The following AP2B1 variants were observed in gnomAD, a reference collection of about 807,000 sequenced individuals.
The protein encoded by AP2B1 is AP-2 complex subunit beta.
A neutral mutation model predicts 102.0 loss-of-function variants in AP2B1; 23 were observed. That is an observed-to-expected ratio of 0.23 (90% CI 0.16 to 0.32). AP2B1 has a LOEUF of 0.32. AP2B1 is among the 10% of genes least tolerant of loss of function. The pLI is 1.00. For synonymous variants in AP2B1, 381 were observed against 421.2 expected (o/e 0.90, Z 1.17); for missense variants, 541 against 1,157.4 (o/e 0.47, Z 7.73).
intron 3 of AP2B1, among the ~76,000 whole-genome samples, chr17:35,599,139 T>G (rs2073392283): frequency 6.6e-6 from 1 of 152,260 alleles, no homozygotes; most frequent in African/African-American, 2.4e-5. Context: ...TAATATTGTG[T>G]TTGATGAAAT....
At position 35,666,920 on chromosome 17, in the gene AP2B1, G is replaced by T. The variant is rs989963576; in HGVS notation, c.1990-3937G>T. On this transcript the variant is annotated intron_variant, in intron 14 of 21. Transcript: ENST00000610402. The stretch of plus-strand genomic sequence containing the variant: ...TGAGGCTGAGGTGGGAGAATCGCTT[G>T]AGCCCAGGAAGTTAGAGCCCAGCCT... Among the ~76,000 whole-genome samples the T allele has an allele frequency of 2.0e-5, 3 of 152,188 alleles. No homozygotes were observed. The East Asian group carries it at 5.8e-4, about 29-fold the overall frequency.
rs937395712 is a variant in AP2B1 at position 35,693,482 on chromosome 17, CT to C, written c.2454+10668del. Among the ~76,000 whole-genome samples the C allele has an allele frequency of 6.0e-5, 9 of 149,008 alleles. No individual in the cohort carries two copies. In the South Asian group the frequency reaches 8.5e-4, roughly 14 times the overall value. ...AACATACTCCGTCTGAATTTATTTT[CT>C]TTTTTTTTTCTACTTAAGGAAAGCC... On this transcript the variant is annotated intron_variant, in intron 18 of 21. Transcript: ENST00000610402.
At chr17:35,652,780 A>G (rs1024222775) in intron 13 of AP2B1, among the ~76,000 whole-genome samples, 16 of 152,152 alleles carry the variant, frequency 1.1e-4, no homozygotes, top group Non-Finnish European at 1.8e-4. Context: ...AGTGAAGAAA[A>G]ATATGTGCAT....
intron 18 of AP2B1, among the ~76,000 whole-genome samples, chr17:35,707,095 G>T (rs1311659695): frequency 1.3e-5 from 2 of 152,106 alleles, no homozygotes; most frequent in African/African-American, 4.8e-5. Flanking sequence ...GAAGCCCACG[G>T]CTGGCATCAA....
chr17:35,687,707 C>A (rs587638454), intron 18 of AP2B1, among the ~76,000 whole-genome samples: 1 of 151,884 alleles, frequency 6.6e-6, no homozygotes, highest in South Asian at 2.1e-4. Flanking sequence ...TGTGTCACCA[C>A]GCCTAGCTAA....
intron 13 of AP2B1, 111 bp downstream of exon 13, chr17:35,650,900 T>G: frequency 7.9e-7 from 1 of 1,273,878 alleles, no homozygotes; most frequent in South Asian, 1.5e-5. Context: ...TTTTGCTTCT[T>G]TATGCTTTTA....
intron 5 of AP2B1, among the ~76,000 whole-genome samples, chr17:35,611,505 A>G (rs913529603): frequency 6.6e-6 from 1 of 152,156 alleles, no homozygotes; most frequent in African/African-American, 2.4e-5. Flanking sequence ...GCGCACACAC[A>G]CTCAAGTAGC....
chr17:35,632,190 A>T (rs1173575448), intron 9 of AP2B1, among the ~76,000 whole-genome samples: 2 of 151,658 alleles, frequency 1.3e-5, no homozygotes, highest in Non-Finnish European at 2.9e-5. Flanking sequence ...CTGGAGTGCA[A>T]ATGGCGCAAT....
At chr17:35,673,784 C>T (rs1022798110) in intron 16 of AP2B1, among the ~76,000 whole-genome samples, 6 of 152,164 alleles carry the variant, frequency 3.9e-5, no homozygotes, top group African/African-American at 9.7e-5. Flanking sequence ...AGTTTCTTCC[C>T]TTTAAACCAT....
At chr17:35,700,725 G>A (rs1254264934) in intron 18 of AP2B1, among the ~76,000 whole-genome samples, 2 of 152,202 alleles carry the variant, frequency 1.3e-5, no homozygotes, top group East Asian at 3.8e-4. Flanking sequence ...TAAAGAGATT[G>A]TAGCTCCTGC....
intron 17 of AP2B1, among the ~76,000 whole-genome samples, chr17:35,677,829 G>A (rs1293736176): frequency 1.3e-5 from 2 of 149,558 alleles, no homozygotes; most frequent in Non-Finnish European, 3.0e-5. Context: ...TCAGATTTAA[G>A]TATTTCAAAT....
chr17:35,664,656 A>C (rs1181288464), intron 14 of AP2B1, among the ~76,000 whole-genome samples: 2 of 152,192 alleles, frequency 1.3e-5, no homozygotes, highest in South Asian at 2.1e-4. Flanking sequence ...TTCAATAAGT[A>C]AATATTTGAG....
chr17:35,641,935 C>T lies in AP2B1; in HGVS notation c.1496C>T (p.Thr499Ile). The change falls in exon 12 of 22, where the codon ACA (threonine) becomes ATA (isoleucine). Residue 499 changes from threonine (T) to isoleucine (I), a missense_variant. Physicochemically the swap from Thr to Ile is moderately conservative, Grantham distance 89. Transcript: ENST00000610402. ...CTGTTTCTCAAGAAACCATCAGAAA[C>T]ACAGGAGCTAGTCCAGCAGGTCTTG... ...VKLFLKKPSETQELVQQVLSL... is the reference protein window; with the variant it reads ...VKLFLKKPSEIQELVQQVLSL... 1 of 1,612,516 alleles carries T rather than the reference C, an allele frequency of 6.2e-7. No individual in the cohort carries two copies. The highest frequency in any genetic ancestry group is 8.5e-7 in the Non-Finnish European group (1 of 1,178,762).
chr17:35,627,195 A>G (rs1466273103), intron 7 of AP2B1, among the ~76,000 whole-genome samples, 190 bp from the exon 8 acceptor site: 1 of 147,014 alleles, frequency 6.8e-6, no homozygotes, highest in African/African-American at 2.5e-5. Flanking sequence ...GATAAAAATA[A>G]TCTGCCAAGT....
At chr17:35,716,256 A>C (rs2076548808) in intron 20 of AP2B1, among the ~76,000 whole-genome samples, 2 of 152,256 alleles carry the variant, frequency 1.3e-5, no homozygotes, top group South Asian at 4.1e-4. Flanking sequence ...TGAATATAAT[A>C]AACAGTCAAC....
At chr17:35,663,906 T>A (rs2075407952) in intron 14 of AP2B1, among the ~76,000 whole-genome samples, 1 of 152,208 alleles carries the variant, frequency 6.6e-6, no homozygotes, top group Admixed American at 6.5e-5. Context: ...CATGCACCTT[T>A]CTTGCAGCAA....
chr17:35,635,132 A>G (rs887359714), intron 9 of AP2B1, among the ~76,000 whole-genome samples: 10 of 152,060 alleles, frequency 6.6e-5, no homozygotes, highest in Admixed American at 6.5e-4. Context: ...GCTCACTGCA[A>G]CCTGTGTGTC....
intron 1 of AP2B1, chr17:35,588,731 A>G (rs142595624): frequency 6.6e-5 from 10 of 152,368 alleles, no homozygotes; most frequent in African/African-American, 2.2e-4. Flanking sequence ...GCGTGCTGGT[A>G]AGGTGAGAAC....
intron 5 of AP2B1, among the ~76,000 whole-genome samples, chr17:35,616,140 C>A (rs1489242904): frequency 6.3e-5 from 5 of 79,376 alleles, no homozygotes; most frequent in East Asian, 3.7e-4. Context: ...TAAAAAATAT[C>A]TCTTTTTTTT....
Sources: allele counts gnomAD v4.1 joint callset (sites outside exome capture counted in the v4.1 genomes callset), GRCh38; gene constraint gnomAD v4.1.1; transcripts MANE v1.5; gene names NCBI Gene and HGNC (gene_info 2026-07-23, HGNC 2026-07-21).